Variants in PLCB1 observed in about 807,000 individuals in gnomAD.
PLCB1 encodes the protein phospholipase C beta 1.
PLCB1 carries 46 observed loss-of-function variants against 161.8 expected under a neutral mutation model. The observed-to-expected ratio is 0.28, with a 90% CI of 0.22 to 0.36. The LOEUF (loss-of-function observed/expected upper bound fraction) is 0.36. Among genes scored for constraint, PLCB1 ranks in the 10% least tolerant of loss-of-function variants. The probability of loss-of-function intolerance (pLI) is 1.00; values close to 1 mark genes in which losing one functional copy is unlikely to be tolerated. For missense variants in PLCB1, 1,016 were observed against 1,472.5 expected (o/e 0.69, Z 5.07); for synonymous variants, 517 against 503.7 (o/e 1.03, Z -0.35).
chr20:8,304,636 T>TTGTG lies in PLCB1; in HGVS notation c.178-66733_178-66730dup, dbSNP rs143282077. 3.3e-5 allele frequency among the ~76,000 whole-genome samples: 5 copies of TTGTG among 150,534 alleles called. No homozygotes were observed. The South Asian group carries it at 1.0e-3, about 32-fold the overall frequency. On this transcript the variant is annotated intron_variant, in intron 2 of 31. Transcript: ENST00000338037. ...TTTTCCTATCTTCTTTGAGAGTGCT[T>TTGTG]TGTGTGTGTGTGTGTGGGTGTGTCC...
intron 3 of PLCB1, among the ~76,000 whole-genome samples, chr20:8,478,771 T>G (rs1390283297): frequency 6.6e-6 from 1 of 152,164 alleles, no homozygotes; most frequent in African/African-American, 2.4e-5. Context: ...CTTCAAAATG[T>G]AAAGTTAAAG....
chr20:8,594,445 G>T (rs113462544), intron 3 of PLCB1, among the ~76,000 whole-genome samples: 44 of 152,206 alleles, frequency 2.9e-4, no homozygotes, highest in Admixed American at 7.8e-4. Flanking sequence ...TTGGGGATCT[G>T]GTTAAAATGC....
In PLCB1 at chr20:8,534,983, A is replaced by G. The variant is rs186583016; in HGVS notation, c.247-93311A>G. On this transcript the variant is annotated intron_variant, in intron 3 of 31. Coordinates refer to ENST00000338037, the MANE Select transcript of PLCB1 (RefSeq NM_015192.4). ...ATTTAAATATAGATTTTCCCTGAGA[A>G]GGGCTCAAGCATGCAGATGGTAAGA... 3.9e-3 allele frequency among the ~76,000 whole-genome samples: 588 copies of G among 152,104 alleles called. 3 individuals are homozygous for G. The highest frequency in any genetic ancestry group is 4.6e-3 in the Non-Finnish European group (311 of 67,990).
At chr20:8,180,230 G>T (rs1427760644) in intron 2 of PLCB1, among the ~76,000 whole-genome samples, 1 of 152,104 alleles carries the variant, frequency 6.6e-6, no homozygotes, top group Non-Finnish European at 1.5e-5. Context: ...TTTGGTTTTA[G>T]TTCTATTTAT....
intron 2 of PLCB1, among the ~76,000 whole-genome samples, chr20:8,271,712 TA>T (rs954492777): frequency 2.0e-5 from 3 of 152,230 alleles, no homozygotes; most frequent in African/African-American, 7.2e-5. Context: ...TAAAAGTATG[TA>T]AAATTAAAGC....
At chr20:8,577,592 T>A (rs1485063618) in intron 3 of PLCB1, among the ~76,000 whole-genome samples, 1 of 152,128 alleles carries the variant, frequency 6.6e-6, no homozygotes, top group Non-Finnish European at 1.5e-5. Context: ...GTGTCCTAGT[T>A]TAGTTTATAA....
intron 3 of PLCB1, among the ~76,000 whole-genome samples, chr20:8,474,677 G>C (rs1288002651): frequency 6.6e-6 from 1 of 152,106 alleles, no homozygotes; most frequent in African/African-American, 2.4e-5. Context: ...TGTAATGCTG[G>C]GTGGTCTATG....
chr20:8,174,015 A>G (rs2051758168), intron 2 of PLCB1, among the ~76,000 whole-genome samples: 1 of 152,152 alleles, frequency 6.6e-6, no homozygotes, highest in Non-Finnish European at 1.5e-5. Context: ...CAATAACAAA[A>G]TTTCTAAGAT....
intron 2 of PLCB1, among the ~76,000 whole-genome samples, chr20:8,267,885 C>A (rs1170058938): frequency 6.6e-6 from 1 of 151,942 alleles, no homozygotes; most frequent in African/African-American, 2.4e-5. Flanking sequence ...TACAAAGTTA[C>A]ATATGAAGAC....
intron 3 of PLCB1, among the ~76,000 whole-genome samples, chr20:8,622,440 A>G (rs1355578954): frequency 6.6e-6 from 1 of 152,168 alleles, no homozygotes; most frequent in Non-Finnish European, 1.5e-5. Flanking sequence ...CACAGAGGTT[A>G]CCTAAAGAGA....
intron 3 of PLCB1, among the ~76,000 whole-genome samples, chr20:8,431,375 G>A (rs1008235027): frequency 6.6e-6 from 1 of 152,018 alleles, no homozygotes; most frequent in Non-Finnish European, 1.5e-5. Flanking sequence ...AACCTTTTTT[G>A]CTTTTTTGAA....
At chr20:8,777,910 G>A (rs537733033) in intron 27 of PLCB1, among the ~76,000 whole-genome samples, 1 of 152,248 alleles carries the variant, frequency 6.6e-6, no homozygotes, top group South Asian at 2.1e-4. Context: ...CACAGAAAGA[G>A]TGCTTGTGCA....
chr20:8,175,472 A>AC (rs11482745), intron 2 of PLCB1, among the ~76,000 whole-genome samples: 1 of 151,938 alleles, frequency 6.6e-6, no homozygotes, highest in African/African-American at 2.4e-5. Flanking sequence ...AATAAAAAAA[A>AC]AAGTATAAAA....
intron 3 of PLCB1, among the ~76,000 whole-genome samples, chr20:8,622,211 G>A (rs1035967477): frequency 4.0e-5 from 6 of 149,512 alleles, no homozygotes; most frequent in South Asian, 2.1e-4. Context: ...CCAAGATCAC[G>A]CCACTGCATT....
chr20:8,364,775 T>C (rs1986656980), intron 2 of PLCB1, among the ~76,000 whole-genome samples: 1 of 152,248 alleles, frequency 6.6e-6, no homozygotes, highest in Admixed American at 6.5e-5. Context: ...ATACAACCTG[T>C]AACACATGAA....
intron 12 of PLCB1, among the ~76,000 whole-genome samples, chr20:8,711,444 A>G (rs1416857802): frequency 6.6e-6 from 1 of 152,176 alleles, no homozygotes; most frequent in Non-Finnish European, 1.5e-5. Context: ...TACTGCCCTT[A>G]TGGGCTTAAA....
At chr20:8,608,354 C>G (rs576954993) in intron 3 of PLCB1, among the ~76,000 whole-genome samples, 1 of 152,234 alleles carries the variant, frequency 6.6e-6, no homozygotes, top group African/African-American at 2.4e-5. Flanking sequence ...ATTTGGGGCT[C>G]TACCATGTGG....
At chr20:8,844,390 G>C (rs953421476) in intron 31 of PLCB1, among the ~76,000 whole-genome samples, 1 of 152,270 alleles carries the variant, frequency 6.6e-6, no homozygotes, top group South Asian at 2.1e-4. Context: ...AAAAGTCATC[G>C]TATAAGCAAG....
chr20:8,338,176 T>G (rs1985656702), intron 2 of PLCB1, among the ~76,000 whole-genome samples: 1 of 152,206 alleles, frequency 6.6e-6, no homozygotes, highest in South Asian at 2.1e-4. Context: ...TTATTAAATT[T>G]TAATAATATG....
Sources: gnomAD v4.1 joint callset for allele counts (sites outside exome capture counted in the v4.1 genomes callset) on GRCh38, gnomAD v4.1.1 for gene constraint, MANE v1.5 for transcripts, NCBI Gene and HGNC (gene_info 2026-07-23, HGNC 2026-07-21) for gene names.